Variants in LMO7 observed in about 807,000 individuals in gnomAD.
The protein encoded by LMO7 is LIM domain only protein 7.
LMO7 carries 120 observed loss-of-function variants against 206.5 expected under a neutral mutation model. That is an observed-to-expected ratio of 0.58 (90% CI 0.50 to 0.68). The LOEUF (loss-of-function observed/expected upper bound fraction) is 0.68, where lower values mean the gene tolerates loss of function less well. Among genes scored for constraint, LMO7 ranks in the 30% least tolerant of loss-of-function variants. The pLI, the probability that LMO7 is intolerant of heterozygous loss-of-function variation, is 0.00. For missense variants in LMO7, 1,959 were observed against 1,957.9 expected (o/e 1.00, Z -0.01); for synonymous variants, 706 against 681.5 (o/e 1.04, Z -0.56).
chr13:75,849,728 G>T (rs1440658832), intron 27 of LMO7, among the ~76,000 whole-genome samples: 1 of 152,000 alleles, frequency 6.6e-6, no homozygotes. Flanking sequence ...TTGATAATTG[G>T]ATTCACAAAG....
At chr13:75,667,280 G>T (rs2039155998) in intron 1 of LMO7, among the ~76,000 whole-genome samples, 1 of 151,846 alleles carries the variant, frequency 6.6e-6, no homozygotes, top group Non-Finnish European at 1.5e-5. Flanking sequence ...GTATTTGCTG[G>T]TCTTCTTGAA....
At chr13:75,622,341 T>G (rs552790342) in intron 1 of LMO7, 1 of 152,400 alleles carries the variant, frequency 6.6e-6, no homozygotes, top group East Asian at 1.9e-4. Context: ...ATAAGACATG[T>G]TGTAGTAAAT....
intron 27 of LMO7, among the ~76,000 whole-genome samples, chr13:75,852,504 A>G (rs940789175): frequency 1.3e-5 from 2 of 152,238 alleles, no homozygotes; most frequent in African/African-American, 4.8e-5. Context: ...GTTGGAAAGA[A>G]AACAGATTAA....
At chr13:75,853,050 G>A in intron 27 of LMO7, 42 bp from the exon 28 acceptor site, 1 of 1,460,302 alleles carries the variant, frequency 6.8e-7, no homozygotes, top group Non-Finnish European at 9.3e-7. Flanking sequence ...ATTTCTAGTT[G>A]AACATGTCAC....
At chr13:75,624,211 C>T (rs1288050268) in intron 2 of LMO7, among the ~76,000 whole-genome samples, 1 of 152,200 alleles carries the variant, frequency 6.6e-6, no homozygotes, top group Non-Finnish European at 1.5e-5. Context: ...TATGTATCCA[C>T]CTTTACTGAA....
chr13:75,719,722 A>G (rs919605898), intron 2 of LMO7, among the ~76,000 whole-genome samples: 4 of 152,176 alleles, frequency 2.6e-5, no homozygotes, highest in African/African-American at 9.7e-5. Context: ...TGGAATTTTG[A>G]GTTAATTAAA....
In LMO7 at chr13:75,800,798, G is replaced by A; in HGVS notation, c.577G>A (p.Asp193Asn). ...TCCTCCAAGGCACCATAAGAGAGAAGATTCCTTTGAAAGCTTGGACTCTTT... is the reference window on the plus strand; with the variant it reads ...TCCTCCAAGGCACCATAAGAGAGAAAATTCCTTTGAAAGCTTGGACTCTTT... ...LAPPRHHKRE[D>N]SFESLDSLGS... Residue 193 changes from aspartate (D) to asparagine (N), a missense_variant, in exon 7 of 31, where the codon GAT becomes AAT. Asp to Asn is a conservative substitution (Grantham distance 23). Transcript: ENST00000377534. The A allele has an allele frequency of 6.2e-7, 1 of 1,614,132 alleles. No individual in the cohort carries two copies. Among genetic ancestry groups the A allele is most frequent in the Non-Finnish European group, 8.5e-7 (1 of 1,180,000 alleles).
rs564659580 is a variant in LMO7, at chr13:75,853,266, C to T, written c.4539C>T (p.Ser1513=). The part of the protein sequence containing the change: ...NRAYMRNPSS[S]VPPPSAGSVK... ...CCTACATGCGGAACCCCTCCTCCAGCGTGCCCCCACCTTCAGCTGGCTCCG... is the reference window on the plus strand; with the variant it reads ...CCTACATGCGGAACCCCTCCTCCAGTGTGCCCCCACCTTCAGCTGGCTCCG... Residue 1513 remains serine, a synonymous_variant, in exon 28 of 31, where the codon AGC becomes AGT. Transcript: ENST00000377534. The T allele has an allele frequency of 3.8e-5, 61 of 1,614,108 alleles. No individual in the cohort carries two copies. The highest frequency in any genetic ancestry group is 3.3e-4 in the Middle Eastern group (2 of 6,062).
chr13:75,711,795 A>G (rs2043150912), intron 1 of LMO7, among the ~76,000 whole-genome samples: 1 of 152,174 alleles, frequency 6.6e-6, no homozygotes, highest in Non-Finnish European at 1.5e-5. Flanking sequence ...TCCCTGATGG[A>G]AGAGCTGCCT....
intron 3 of LMO7, among the ~76,000 whole-genome samples, chr13:75,758,825 C>T (rs2047904063): frequency 6.6e-6 from 1 of 152,092 alleles, no homozygotes; most frequent in Non-Finnish European, 1.5e-5. Context: ...TTTTGTAATA[C>T]TTTAAACATT....
chr13:75,767,749 C>G (rs2049085763), intron 4 of LMO7, among the ~76,000 whole-genome samples: 1 of 152,028 alleles, frequency 6.6e-6, no homozygotes, highest in African/African-American at 2.4e-5. Flanking sequence ...GATGTGTATC[C>G]GTGGTTGTGA....
chr13:75,825,807 C>T (rs192149733), intron 15 of LMO7, among the ~76,000 whole-genome samples: 1 of 152,266 alleles, frequency 6.6e-6, no homozygotes, highest in East Asian at 1.9e-4. Context: ...GCCTGTGCAA[C>T]ACTCCCTGAA....
chr13:75,692,666 A>G (rs1413491489), intron 1 of LMO7, among the ~76,000 whole-genome samples: 2 of 152,136 alleles, frequency 1.3e-5, no homozygotes, highest in Admixed American at 6.6e-5. Context: ...TCCTGCATGC[A>G]TGCTTGCTAC....
chr13:75,623,368 AT>A, intron 2 of LMO7: 1 of 1,067,020 alleles, frequency 9.4e-7, no homozygotes, highest in Non-Finnish European at 1.5e-6. Context: ...AGGCCAAAGC[AT>A]TTTTTTCTTT....
At chr13:75,728,954 C>G (rs1485364808) in intron 3 of LMO7, among the ~76,000 whole-genome samples, 1 of 151,052 alleles carries the variant, frequency 6.6e-6, no homozygotes, top group Non-Finnish European at 1.5e-5. Flanking sequence ...AGCATTATTT[C>G]TCAGGGCTCT....
Position 75,713,244 on chromosome 13 carries a change from G to A in LMO7, c.132G>A (p.Leu44=). 1 of 1,607,230 alleles carries A rather than the reference G, an allele frequency of 6.2e-7. No individual in the cohort carries two copies. Among genetic ancestry groups the A allele is most frequent in the Non-Finnish European group, 8.5e-7 (1 of 1,174,760 alleles). The change falls in exon 2 of 31, where the codon CTG becomes CTA. Residue 44 remains leucine, a synonymous_variant. Transcript: ENST00000377534. The stretch of plus-strand genomic sequence containing the variant: ...GAGCCTCTCTAGAAAATGGTGTTCT[G>A]CTGTGTGAGTAAGTATTTAAAGTAT... ...DFRASLENGV[L]LCDLINKLKP...
At chr13:75,828,930 G>A (rs2058382964) in intron 15 of LMO7, among the ~76,000 whole-genome samples, 1 of 152,080 alleles carries the variant, frequency 6.6e-6, no homozygotes, top group Non-Finnish European at 1.5e-5. Flanking sequence ...GAACAGTTAG[G>A]GGAAAGAAGG....
At chr13:75,638,724 C>T (rs2036221588) in intron 1 of LMO7, among the ~76,000 whole-genome samples, 1 of 152,050 alleles carries the variant, frequency 6.6e-6, no homozygotes, top group Non-Finnish European at 1.5e-5. Flanking sequence ...CTCCAGTGTC[C>T]ACATCTATCT....
chr13:75,622,647 C>T (rs1179614256), intron 1 of LMO7, among the ~76,000 whole-genome samples: 5 of 152,192 alleles, frequency 3.3e-5, no homozygotes, highest in Non-Finnish European at 5.9e-5. Context: ...CACTGATTTA[C>T]GATCACTCTC....
Sources: allele counts gnomAD v4.1 joint callset (sites outside exome capture counted in the v4.1 genomes callset), GRCh38; gene constraint gnomAD v4.1.1; transcripts MANE v1.5; gene names NCBI Gene and HGNC (gene_info 2026-07-23, HGNC 2026-07-21).